Variants in ACER1 observed in about 807,000 individuals in gnomAD.
The protein encoded by ACER1 is CTB-180A7.3.
A neutral mutation model predicts 24.9 loss-of-function variants in ACER1; 28 were observed. The ratio of observed to expected loss-of-function variants is 1.13; its 90% CI spans 0.83 to 1.54. The LOEUF is 1.54. Among genes scored for constraint, ACER1 ranks in the 40% most tolerant of loss-of-function variants. The pLI, the probability that ACER1 is intolerant of heterozygous loss-of-function variation, is 0.00. For synonymous variants in ACER1, 132 were observed against 131.4 expected (o/e 1.00, Z -0.03); for missense variants, 352 against 349.3 (o/e 1.01, Z -0.06).
At chr19:6,324,860 A>AAAGGAAGGGAGGGAGGAAGG (rs1310221145) in intron 1 of ACER1, among the ~76,000 whole-genome samples, 1,178 of 100,290 alleles carry the variant, frequency 0.012, 51 homozygotes, top group African/African-American at 0.043. Flanking sequence ...AGAGAGAGAG[A>AAAGGAAGGGAGGGAGGAAGG]AAGGAAGGAA....
intron 1 of ACER1, among the ~76,000 whole-genome samples, chr19:6,316,417 G>C (rs1453869245): frequency 2.0e-5 from 3 of 152,198 alleles, no homozygotes; most frequent in African/African-American, 7.2e-5. Flanking sequence ...CAACCTGGGT[G>C]ACAGAGTGAA....
chr19:6,311,828 A>T (rs1334903108), intron 3 of ACER1, among the ~76,000 whole-genome samples: 1 of 151,502 alleles, frequency 6.6e-6, no homozygotes, highest in African/African-American at 2.4e-5. Context: ...AGGCTCGGGG[A>T]GGAGTCCCTC....
intron 5 of ACER1, 115 bp downstream of exon 5, chr19:6,307,037 TG>T: frequency 1.3e-6 from 2 of 1,516,076 alleles, no homozygotes; most frequent in Non-Finnish European, 1.8e-6. Flanking sequence ...CAGGTCCCAG[TG>T]TCTGGCTCTC....
chr19:6,341,413 T>A, the ACER1 span, among the ~76,000 whole-genome samples: 1 of 150,966 alleles, frequency 6.6e-6, no homozygotes, highest in Non-Finnish European at 1.5e-5. Context: ...TGGTCTTAAC[T>A]TCTCAGGAAG....
upstream of ACER1, among the ~76,000 whole-genome samples, chr19:6,335,709 T>C (rs2091711522): frequency 6.6e-6 from 1 of 151,532 alleles, no homozygotes; most frequent in Admixed American, 6.6e-5. Flanking sequence ...TGGGTGCCCA[T>C]AGTCCCAGCT....
chr19:6,359,441 C>G, the ACER1 span, among the ~76,000 whole-genome samples: 1 of 151,774 alleles, frequency 6.6e-6, no homozygotes, highest in African/African-American at 2.4e-5. Context: ...GACTCAGCCT[C>G]CCAAGTAGCT....
chr19:6,324,659 G>T (rs2091649943), intron 1 of ACER1, among the ~76,000 whole-genome samples: 1 of 151,694 alleles, frequency 6.6e-6, no homozygotes, highest in Non-Finnish European at 1.5e-5. Flanking sequence ...CAGCTACTTG[G>T]GAGGCTGAGG....
At chr19:6,307,496 C>CTTG (rs1263644175) in intron 4 of ACER1, among the ~76,000 whole-genome samples, 1 of 151,964 alleles carries the variant, frequency 6.6e-6, no homozygotes, top group Non-Finnish European at 1.5e-5. Context: ...TCCAAATGTC[C>CTTG]TTCAAGCCAG....
At chr19:6,327,825 C>T (rs958459777) in intron 1 of ACER1, among the ~76,000 whole-genome samples, 2 of 151,812 alleles carry the variant, frequency 1.3e-5, no homozygotes, top group Admixed American at 6.6e-5. Flanking sequence ...GCCTGTAATC[C>T]CAGCACTTTG....
At chr19:6,349,608 C>T in the ACER1 span, among the ~76,000 whole-genome samples, 1 of 152,064 alleles carries the variant, frequency 6.6e-6, no homozygotes, top group East Asian at 1.9e-4. Context: ...CTTGGCTAAT[C>T]GGCGAGGGAC....
chr19:6,317,576 G>A (rs1016512535), intron 1 of ACER1, among the ~76,000 whole-genome samples: 3 of 152,126 alleles, frequency 2.0e-5, no homozygotes, highest in African/African-American at 4.8e-5. Flanking sequence ...ATATCAACGC[G>A]TGCCTGAAGA....
chr19:6,356,280 G>C, the ACER1 span, among the ~76,000 whole-genome samples: 3,883 of 142,508 alleles, frequency 0.027, 54 homozygotes, highest in African/African-American at 0.041. Flanking sequence ...GCAGCATGCT[G>C]GTTAAGAGTC....
chr19:6,347,598 G>T, the ACER1 span, among the ~76,000 whole-genome samples: 1 of 152,116 alleles, frequency 6.6e-6, no homozygotes, highest in East Asian at 1.9e-4. Context: ...CACTTTGGGA[G>T]GCCGAAGTGG....
At chr19:6,325,713 AGCTGGGCGTGGTG>A (rs1319860573) in intron 1 of ACER1, among the ~76,000 whole-genome samples, 1 of 151,826 alleles carries the variant, frequency 6.6e-6, no homozygotes, top group African/African-American at 2.4e-5. Context: ...CAAACCCTTG[AGCTGGGCGTGGTG>A]GCTCATGCCT....
At chr19:6,326,368 C>A (rs1008494237) in intron 1 of ACER1, among the ~76,000 whole-genome samples, 2 of 151,958 alleles carry the variant, frequency 1.3e-5, no homozygotes, top group Non-Finnish European at 2.9e-5. Flanking sequence ...CCTTGTGATC[C>A]GCCGGCCTCG....
the ACER1 span, among the ~76,000 whole-genome samples, chr19:6,355,136 C>T: frequency 2.0e-5 from 3 of 152,002 alleles, no homozygotes; most frequent in Non-Finnish European, 4.4e-5. Flanking sequence ...TCAATGGTGC[C>T]CAGGCTGGAG....
chr19:6,317,390 G>A (rs775292052), intron 1 of ACER1, among the ~76,000 whole-genome samples: 49 of 152,220 alleles, frequency 3.2e-4, no homozygotes, highest in Middle Eastern at 3.2e-3. Flanking sequence ...GTTCTGGACT[G>A]CAAGCGCTTC....
Position 6,312,172 on chromosome 19 carries a change from G to A in ACER1, c.327C>T (p.Phe109=). ...GYSIWMPRCY[F]PSFLGGNRSQ... is the part of the protein sequence containing the mutation. ...ACCTGTTCCCCCCAAGGAAGGAGGG[G>A]AAATAGCAGCGGGGCATCCATATGC... The change falls in exon 3 of 6, where the codon TTC becomes TTT. Residue 109 remains phenylalanine (F), a synonymous_variant. Transcript: ENST00000301452. The A allele has an allele frequency of 1.2e-6, 2 of 1,613,796 alleles. No individual in the cohort carries two copies. Among genetic ancestry groups the A allele is most frequent in the Non-Finnish European group, 1.7e-6 (2 of 1,179,770 alleles).
At chr19:6,347,284 A>AATCG in the ACER1 span, among the ~76,000 whole-genome samples, 1 of 145,466 alleles carries the variant, frequency 6.9e-6, no homozygotes, top group Non-Finnish European at 1.5e-5. Context: ...ACAGTGGTGC[A>AATCG]ATCATAGCTC....
Sources: allele counts gnomAD v4.1 joint callset (sites outside exome capture counted in the v4.1 genomes callset), GRCh38; gene constraint gnomAD v4.1.1; transcripts MANE v1.5; gene names NCBI Gene and HGNC (gene_info 2026-07-23, HGNC 2026-07-21).